Variants in IL6ST observed in about 807,000 individuals in gnomAD.
IL6ST encodes interleukin 6 cytokine family signal transducer.
A neutral mutation model predicts 91.3 loss-of-function variants in IL6ST; 24 were observed. That is an observed-to-expected ratio of 0.26 (90% CI 0.19 to 0.37). IL6ST has a LOEUF of 0.37. Among genes scored for constraint, IL6ST ranks in the 10% least tolerant of loss-of-function variants. IL6ST has a pLI of 1.00. For missense variants in IL6ST, 914 were observed against 1,078.5 expected (o/e 0.85, Z 2.14); for synonymous variants, 351 against 373.6 (o/e 0.94, Z 0.70).
At chr5:55,987,370 A>G (rs935429083) in intron 1 of IL6ST, among the ~76,000 whole-genome samples, 3 of 152,284 alleles carry the variant, frequency 2.0e-5, no homozygotes, top group African/African-American at 7.2e-5. Context: ...ACAGTTCAAA[A>G]TGAGAAAAGA....
intron 1 of IL6ST, among the ~76,000 whole-genome samples, chr5:55,990,296 AAG>A (rs1754239224): frequency 2.0e-5 from 3 of 152,042 alleles, no homozygotes; most frequent in Admixed American, 1.3e-4. Context: ...AAAAAAGAAG[AAG>A]AAGAGACTGT....
intron 14 of IL6ST, 26 bp from the exon 15 acceptor site, chr5:55,947,615 A>C (rs1006444148): frequency 7.8e-7 from 1 of 1,282,084 alleles, no homozygotes; most frequent in Non-Finnish European, 1.1e-6. Context: ...AAAAAAAAAA[A>C]AAGAGGTGTG....
chr5:55,968,603 A>G (rs939195639), intron 4 of IL6ST, among the ~76,000 whole-genome samples: 1 of 152,214 alleles, frequency 6.6e-6, no homozygotes, highest in Non-Finnish European at 1.5e-5. Flanking sequence ...ATATACATCC[A>G]TCCTAACTGT....
In IL6ST at chr5:55,940,254, T is replaced by TATA. The variant is rs1454902169; in HGVS notation, c.*827_*828insTAT. On this transcript the variant is annotated 3_prime_UTR_variant, in exon 17 of 17. Coordinates refer to ENST00000381298, the MANE Select transcript of IL6ST (RefSeq NM_002184.4). The stretch of plus-strand genomic sequence containing the variant: ...TACTTCCTGTTTTCCCCTTTACTAC[T>TATA]ACAATTTAAGCCTTTAAAAATGGCA... 1 of 211,690 alleles carries TATA rather than the reference T, an allele frequency of 4.7e-6. No homozygotes were observed. 13.1% of individuals were successfully genotyped at this position (211,690 alleles called of 1,614,324 possible). A position where few individuals can be genotyped will look rare whatever the true frequency, so the allele number is the denominator to read the frequency against.
intron 8 of IL6ST, 79 bp downstream of exon 8, chr5:55,960,323 A>T: frequency 9.5e-7 from 1 of 1,055,758 alleles, no homozygotes; most frequent in East Asian, 2.4e-5. Context: ...AGAAGCAATG[A>T]GGCTATATTA....
In IL6ST at chr5:55,941,824, G is replaced by T. The variant is rs761272550; in HGVS notation, c.2020-5C>A. ...ATCTTTTGAATTAAAATTGTGCTAA[G>T]GAAGAGAAAAAATTGTATATGGCAA... On this transcript the variant is annotated splice_region_variant and splice_polypyrimidine_tract_variant and intron_variant, in intron 16 of 16. Transcript: ENST00000381298. 9.4e-6 allele frequency: 15 copies of T among 1,599,742 alleles called. No homozygotes were observed. The highest frequency in any genetic ancestry group is 7.0e-5 in the Admixed American group (4 of 57,542).
At chr5:55,965,480 C>A (rs192985851) in intron 5 of IL6ST, among the ~76,000 whole-genome samples, 1 of 151,990 alleles carries the variant, frequency 6.6e-6, no homozygotes, top group Non-Finnish European at 1.5e-5. Context: ...CTAGCTCTTT[C>A]GACTGAAAAA....
In IL6ST at chr5:55,952,305, T is replaced by C. The variant is rs764977423; in HGVS notation, c.1497A>G (p.Val499=). The C allele has an allele frequency of 1.2e-6, 2 of 1,608,926 alleles. No individual in the cohort carries two copies. Among genetic ancestry groups the C allele is most frequent in the Non-Finnish European group, 1.7e-6 (2 of 1,176,168 alleles). ...CAGGGCTTCCTGGTCCATCAGCATA[T>C]ACTGGAGTAACTGTTATCAAATAGC... ...SKCYLITVTP[V]YADGPGSPES... Residue 499 remains valine, a synonymous_variant, in exon 12 of 17, where the codon GTA becomes GTG. Coordinates refer to ENST00000381298, the MANE Select transcript of IL6ST (RefSeq NM_002184.4).
At chr5:55,994,009 A>G (rs1754488712) in intron 1 of IL6ST, 1 of 146,856 alleles carries the variant, frequency 6.8e-6, no homozygotes, top group East Asian at 2.0e-4. Context: ...TTGTTGAAAT[A>G]CTTCACAAAC....
chr5:55,973,082 A>G (rs1179100791), intron 3 of IL6ST, among the ~76,000 whole-genome samples: 2 of 152,034 alleles, frequency 1.3e-5, no homozygotes, highest in African/African-American at 2.4e-5. Flanking sequence ...AATTGCTGAT[A>G]TTTTGCTACT....
At position 55,969,803 on chromosome 5, in the gene IL6ST, T is replaced by C. The variant is rs771804876; in HGVS notation, c.117A>G (p.Gln39=). The part of the protein sequence containing the change: ...GYISPESPVV[Q]LHSNFTAVCV... ...AAACTGCAGTGAAATTAGAATGAAG[T>C]TGTACAACTGGAGATTCAGGACTGA... The change falls in exon 4 of 17, where the codon CAA becomes CAG. Residue 39 remains glutamine, a synonymous_variant. Coordinates refer to ENST00000381298, the MANE Select transcript of IL6ST (RefSeq NM_002184.4). 1.2e-6 allele frequency: 2 copies of C among 1,611,280 alleles called. No homozygotes were observed. Among genetic ancestry groups the C allele is most frequent in the Non-Finnish European group, 1.7e-6 (2 of 1,177,720 alleles).
chr5:55,992,260 T>A (rs888526818), intron 1 of IL6ST, among the ~76,000 whole-genome samples: 3 of 152,194 alleles, frequency 2.0e-5, no homozygotes, highest in African/African-American at 7.2e-5. Context: ...GGTGGACAAT[T>A]AAGGGTGGGT....
chr5:55,967,710 A>C lies in IL6ST; in HGVS notation c.491+566T>G, dbSNP rs1031941516. On this transcript the variant is annotated intron_variant, in intron 5 of 16. Coordinates refer to ENST00000381298, the MANE Select transcript of IL6ST (RefSeq NM_002184.4). ...ACAATATAGGCAAAGAGTACCTTTG[A>C]AATAAGACTGGTCATGAGCTGACCA... Among the ~76,000 whole-genome samples, 10 of 152,226 alleles carry C rather than the reference A, an allele frequency of 6.6e-5. No individual in the cohort carries two copies. In the East Asian group the frequency reaches 1.9e-3, roughly 29 times the overall value.
chr5:55,991,726 C>A lies in IL6ST; in HGVS notation c.-104+3058G>T, dbSNP rs1319573121. ...CCTATCCAATCTATCTTTTCCAATA[C>A]TCAAGTTTCTCTATTCTAAAAAAAA... On this transcript the variant is annotated intron_variant, in intron 1 of 16. Coordinates refer to ENST00000381298, the MANE Select transcript of IL6ST (RefSeq NM_002184.4). Among the ~76,000 whole-genome samples, 3 of 151,402 alleles carry A rather than the reference C, an allele frequency of 2.0e-5. No individual in the cohort carries two copies. The East Asian group carries it at 5.8e-4, about 29-fold the overall frequency.
In IL6ST at chr5:55,992,403, G is replaced by A. The variant is rs1754385672; in HGVS notation, c.-104+2381C>T. On this transcript the variant is annotated intron_variant, in intron 1 of 16. Transcript: ENST00000381298. ...CCAGGCTGTCTATGTATGACCTTTA[G>A]ATCTACCACTTAGCTGGGCAAATTA... 3.3e-5 allele frequency among the ~76,000 whole-genome samples: 5 copies of A among 152,236 alleles called. No homozygotes were observed. The South Asian group carries it at 1.0e-3, about 32-fold the overall frequency.
chr5:55,976,196 G>T lies in IL6ST; in HGVS notation c.64+19C>A, dbSNP rs758193162. The T allele has an allele frequency of 2.1e-6, 3 of 1,400,948 alleles. No individual in the cohort carries two copies. The highest frequency in any genetic ancestry group is 1.9e-5 in the Admixed American group (1 of 52,416). The allele number at this position is 1,400,948 out of a possible 1,614,324, so 86.8% of individuals were successfully genotyped here. A position where few individuals can be genotyped will look rare whatever the true frequency, so the allele number is the denominator to read the frequency against. On this transcript the variant is annotated intron_variant, in intron 3 of 16. Transcript: ENST00000381298. The stretch of plus-strand genomic sequence containing the variant: ...CCTAATTTGTGAAGTTAGAAGATAG[G>T]GTATTTCATGAACCTTACCTGTAGA...
chr5:55,988,883 G>T (rs563396556), intron 1 of IL6ST, among the ~76,000 whole-genome samples: 3 of 151,648 alleles, frequency 2.0e-5, no homozygotes, highest in African/African-American at 7.3e-5. Flanking sequence ...GGCCGAGGTA[G>T]GTAGATTGCT....
chr5:55,952,725 C>CACTA (rs1161511396), intron 11 of IL6ST, among the ~76,000 whole-genome samples: 2 of 152,116 alleles, frequency 1.3e-5, no homozygotes, highest in Admixed American at 1.3e-4. Flanking sequence ...TAGGGGAAAG[C>CACTA]ACTAACGGTC....
chr5:55,977,429 G>T (rs1753372895), intron 2 of IL6ST, among the ~76,000 whole-genome samples: 1 of 152,040 alleles, frequency 6.6e-6, no homozygotes, highest in African/African-American at 2.4e-5. Context: ...GCAGATCCAG[G>T]GTTGCCTAGG....
Sources: gnomAD v4.1 joint callset for allele counts (sites outside exome capture counted in the v4.1 genomes callset) on GRCh38, gnomAD v4.1.1 for gene constraint, MANE v1.5 for transcripts, NCBI Gene and HGNC (gene_info 2026-07-23, HGNC 2026-07-21) for gene names.